The following ASXL3 variants were observed in gnomAD, a reference collection of about 807,000 sequenced individuals.
The protein encoded by ASXL3 is ASXL transcriptional regulator 3, also known as putative Polycomb group protein ASXL3.
ASXL3 carries 34 observed loss-of-function variants against 170.6 expected under a neutral mutation model. That is an observed-to-expected ratio of 0.20 (90% CI 0.15 to 0.27). ASXL3 has a LOEUF of 0.27. Among genes scored for constraint, ASXL3 ranks in the 10% least tolerant of loss-of-function variants. The pLI is 1.00. For missense variants in ASXL3, 2,592 were observed against 2,695.3 expected, an observed-to-expected ratio of 0.96 and a Z score of 0.85; for synonymous variants, 1,002 against 989.1, an observed-to-expected ratio of 1.01 and a Z score of -0.24.
At chr18:33,653,957 C>G (rs890173438) in intron 4 of ASXL3, among the ~76,000 whole-genome samples, 1 of 151,838 alleles carries the variant, frequency 6.6e-6, no homozygotes, top group Non-Finnish European at 1.5e-5. Context: ...TCAAACATTA[C>G]TTACAGACAC....
At chr18:33,676,222 C>CAAAAAAAAAAAAAAAAAAAAAAAAAAAA (rs568221465) in intron 7 of ASXL3, among the ~76,000 whole-genome samples, 14 of 41,726 alleles carry the variant, frequency 3.4e-4, no homozygotes, top group Admixed American at 6.6e-4. Context: ...GACTCCGTCT[C>CAAAAAAAAAAAAAAAAAAAAAAAAAAAA]AAAAAAAAAA....
chr18:33,668,963 A>T (rs2066300719), intron 5 of ASXL3, among the ~76,000 whole-genome samples: 1 of 152,042 alleles, frequency 6.6e-6, no homozygotes, highest in Admixed American at 6.6e-5. Flanking sequence ...CATGAGAAGT[A>T]GTTTAAATAT....
At chr18:33,596,307 G>C (rs898987587) in intron 1 of ASXL3, among the ~76,000 whole-genome samples, 1 of 152,116 alleles carries the variant, frequency 6.6e-6, no homozygotes, top group Non-Finnish European at 1.5e-5. Context: ...AAGCCAGAGA[G>C]TAAATGTCTC....
At chr18:33,686,333 A>G (rs2066597081) in intron 8 of ASXL3, among the ~76,000 whole-genome samples, 1 of 152,242 alleles carries the variant, frequency 6.6e-6, no homozygotes, top group Non-Finnish European at 1.5e-5. Context: ...TGTGCTCACT[A>G]CTAGAAAACA....
At position 33,661,654 on chromosome 18, in the gene ASXL3, C is replaced by A. The variant is rs747032112; in HGVS notation, c.394C>A (p.Arg132=). 1 of 1,612,014 alleles carries A rather than the reference C, an allele frequency of 6.2e-7. No homozygotes were observed. Among genetic ancestry groups the A allele is most frequent in the Non-Finnish European group, 8.5e-7 (1 of 1,178,846 alleles). The stretch of plus-strand genomic sequence containing the variant: ...GGTAACTGATGAAGCATCTTCCACT[C>A]GAGATTCAAGCCTTACTAACACAGC... The part of the protein sequence containing the change: ...KQVTDEASST[R]DSSLTNTAVQ... Residue 132 remains arginine, a synonymous_variant, in exon 5 of 12, where the codon CGA becomes AGA. Transcript: ENST00000269197.
In ASXL3 at chr18:33,744,555, A is replaced by G; in HGVS notation, c.4707A>G (p.Leu1569=). ...AATTACCCCTTGTTCCAGATAAATT[A>G]AATGAGCCGACTGCTCCCAGTCATA... The part of the protein sequence containing the change: ...LRELPLVPDK[L]NEPTAPSHNF... Residue 1569 remains leucine, a synonymous_variant, in exon 12 of 12, where the codon TTA becomes TTG. Transcript: ENST00000269197. The G allele has an allele frequency of 6.2e-7, 1 of 1,611,734 alleles. No homozygotes were observed. Among genetic ancestry groups the G allele is most frequent in the Non-Finnish European group, 8.5e-7 (1 of 1,179,312 alleles).
chr18:33,620,398 TGTTAG>T (rs1432126696), intron 2 of ASXL3, among the ~76,000 whole-genome samples: 2 of 152,180 alleles, frequency 1.3e-5, no homozygotes, highest in African/African-American at 2.4e-5. Context: ...ATTTCTTAAA[TGTTAG>T]GATTAGCAAG....
At chr18:33,602,625 G>A (rs1441198632) in intron 1 of ASXL3, among the ~76,000 whole-genome samples, 1 of 152,076 alleles carries the variant, frequency 6.6e-6, no homozygotes, top group Non-Finnish European at 1.5e-5. Context: ...TAGCACATAG[G>A]AGTTGTCTAA....
rs933779446 is a variant in ASXL3, at chr18:33,592,754, A to G, written c.54+14069A>G. Among the ~76,000 whole-genome samples, 13 of 152,220 alleles carry G rather than the reference A, an allele frequency of 8.5e-5. No individual in the cohort carries two copies. The East Asian group carries it at 1.5e-3, about 18-fold the overall frequency. ...TTTTGTTTATGAGGCACTAAAATAT[A>G]TAATTACATGCTTCAGAGATCTGTT... On this transcript the variant is annotated intron_variant, in intron 1 of 11. Coordinates refer to ENST00000269197, the MANE Select transcript of ASXL3 (RefSeq NM_030632.3).
intron 8 of ASXL3, among the ~76,000 whole-genome samples, chr18:33,689,968 A>G (rs557449051): frequency 1.3e-5 from 2 of 152,272 alleles, no homozygotes; most frequent in Non-Finnish European, 2.9e-5. Flanking sequence ...TTGGTCCACA[A>G]GAGCCCACTA....
chr18:33,673,953 A>G (rs1326438644), intron 7 of ASXL3, among the ~76,000 whole-genome samples: 1 of 152,206 alleles, frequency 6.6e-6, no homozygotes, highest in Non-Finnish European at 1.5e-5. Flanking sequence ...AACTACTTTA[A>G]TGGAGGAATG....
intron 2 of ASXL3, among the ~76,000 whole-genome samples, chr18:33,630,292 T>C (rs2065658776): frequency 6.6e-6 from 1 of 152,160 alleles, no homozygotes; most frequent in African/African-American, 2.4e-5. Context: ...TTCATAATTC[T>C]ATCTGCATTT....
intron 8 of ASXL3, among the ~76,000 whole-genome samples, 171 bp from the exon 9 acceptor site, chr18:33,731,797 C>T (rs1046060347): frequency 2.6e-5 from 4 of 152,132 alleles, no homozygotes; most frequent in African/African-American, 9.6e-5. Context: ...TGCACATGCT[C>T]TCGCTGGAGC....
intron 8 of ASXL3, among the ~76,000 whole-genome samples, chr18:33,709,244 C>A (rs1006519437): frequency 4.6e-5 from 7 of 151,274 alleles, no homozygotes; most frequent in African/African-American, 1.7e-4. Flanking sequence ...TAAAGTTGAC[C>A]TAGCATTTAA....
At chr18:33,626,574 T>A (rs1417455821) in intron 2 of ASXL3, 1 of 152,110 alleles carries the variant, frequency 6.6e-6, no homozygotes, top group Admixed American at 6.6e-5. Flanking sequence ...CCACCCTGTT[T>A]AGAAGATTAG....
chr18:33,701,744 A>G (rs2066877626), intron 8 of ASXL3, among the ~76,000 whole-genome samples: 2 of 152,010 alleles, frequency 1.3e-5, no homozygotes, highest in African/African-American at 4.8e-5. Flanking sequence ...CGTTTGTTGA[A>G]CTTCTTCAAT....
In ASXL3 at chr18:33,645,022, A is replaced by C. The variant is rs1276718448; in HGVS notation, c.246+20A>C. 2.8e-6 allele frequency: 4 copies of C among 1,448,046 alleles called. No individual in the cohort carries two copies. The highest frequency in any genetic ancestry group is 1.4e-5 in the African/African-American group (1 of 70,534). 89.7% of individuals were successfully genotyped at this position (1,448,046 alleles called of 1,614,324 possible). The stretch of plus-strand genomic sequence containing the variant: ...CTCAAAGTAAGTTGCATTGTTCTGC[A>C]TATTGTTATTACTATTATCATGCAT... On this transcript the variant is annotated intron_variant, in intron 3 of 11. Coordinates refer to ENST00000269197, the MANE Select transcript of ASXL3 (RefSeq NM_030632.3).
rs1315135758 is a variant in ASXL3 at position 33,578,615 on chromosome 18, A to G, written c.-17A>G. On this transcript the variant is annotated 5_prime_UTR_variant, in exon 1 of 12. Transcript: ENST00000269197. Reference sequence around the variant, plus strand: ...AATCCCCCACGTCATCATCAGAACCATCAATGAGATGCAAACATGAAAGAC... The same window carrying G: ...AATCCCCCACGTCATCATCAGAACCGTCAATGAGATGCAAACATGAAAGAC... 4 of 1,327,598 alleles carry G rather than the reference A, an allele frequency of 3.0e-6. No homozygotes were observed. The highest frequency in any genetic ancestry group is 1.6e-5 in the South Asian group (1 of 62,652). The allele number at this position is 1,327,598 out of a possible 1,614,324, so 82.2% of individuals were successfully genotyped here.
chr18:33,578,734 G>A (rs1336230170), intron 1 of ASXL3, 49 bp downstream of exon 1: 6 of 1,115,858 alleles, frequency 5.4e-6, no homozygotes, highest in Admixed American at 4.6e-5. Flanking sequence ...CGGCCCCGCC[G>A]CTCGCCCCGC....
Sources: allele counts gnomAD v4.1 joint callset (sites outside exome capture counted in the v4.1 genomes callset), GRCh38; gene constraint gnomAD v4.1.1; transcripts MANE v1.5; gene names NCBI Gene and HGNC (gene_info 2026-07-23, HGNC 2026-07-21).